The following POLK variants were observed in gnomAD, a reference collection of about 807,000 sequenced individuals.
POLK encodes DNA polymerase kappa.
POLK carries 76 observed loss-of-function variants against 94.0 expected under a neutral mutation model. The ratio of observed to expected loss-of-function variants is 0.81; its 90% CI spans 0.67 to 0.98. The LOEUF (loss-of-function observed/expected upper bound fraction) is 0.98. Ranked by LOEUF, POLK falls within the 50% of genes least tolerant of loss-of-function variation. The probability of loss-of-function intolerance (pLI) is 0.00; values close to 1 mark genes in which losing one functional copy is unlikely to be tolerated. For missense variants in POLK, 954 were observed against 1,010.1 expected (o/e 0.94, Z 0.75); for synonymous variants, 349 against 325.4 (o/e 1.07, Z -0.78).
chr5:75,597,458 A>G, intron 13 of POLK: 1 of 409,926 alleles, frequency 2.4e-6, no homozygotes. Context: ...TTCAGAGAAC[A>G]TCTGTGAAGG....
chr5:75,529,384 GACCTACCCCCA>G (rs1186697278), intron 1 of POLK, among the ~76,000 whole-genome samples: 2 of 151,980 alleles, frequency 1.3e-5, no homozygotes, highest in African/African-American at 4.8e-5. Flanking sequence ...CATAGGTCAT[GACCTACCCCCA>G]TGACCCAAAC....
intron 1 of POLK, among the ~76,000 whole-genome samples, chr5:75,524,947 C>T (rs181136481): frequency 3.9e-5 from 6 of 152,280 alleles, no homozygotes; most frequent in Non-Finnish European, 5.9e-5. Flanking sequence ...TGCATGCCCA[C>T]GGCAAATTGA....
intron 1 of POLK, among the ~76,000 whole-genome samples, chr5:75,526,285 A>T (rs1580923621): frequency 6.6e-6 from 1 of 152,132 alleles, no homozygotes; most frequent in East Asian, 1.9e-4. Flanking sequence ...AAGAGAAATC[A>T]CTTTTACTAC....
intron 1 of POLK, among the ~76,000 whole-genome samples, chr5:75,544,074 C>A (rs1769885130): frequency 6.6e-6 from 1 of 152,156 alleles, no homozygotes; most frequent in Admixed American, 6.5e-5. Flanking sequence ...TGGGCTTAAC[C>A]AATCCTCCTG....
exon 15 of POLK, chr5:75,600,336 G>A (rs1773270099): frequency 6.6e-6 from 1 of 152,134 alleles, no homozygotes; most frequent in Non-Finnish European, 1.5e-5. Context: ...ACTAAGTTTT[G>A]GTGATGATGT....
At chr5:75,543,338 C>T (rs1316352247) in intron 1 of POLK, among the ~76,000 whole-genome samples, 1 of 152,182 alleles carries the variant, frequency 6.6e-6, no homozygotes, top group Non-Finnish European at 1.5e-5. Context: ...CTGCTCCCAG[C>T]TGTGCCTTAT....
chr5:75,589,096 A>G (rs1286000362), intron 10 of POLK, among the ~76,000 whole-genome samples: 1 of 152,134 alleles, frequency 6.6e-6, no homozygotes, highest in Admixed American at 6.5e-5. Flanking sequence ...TTAATTCCAC[A>G]GATTTAGTCA....
downstream of POLK, among the ~76,000 whole-genome samples, chr5:75,603,210 C>G (rs1773336792): frequency 6.6e-6 from 1 of 152,198 alleles, no homozygotes; most frequent in Non-Finnish European, 1.5e-5. Context: ...ACTGCTACCT[C>G]TGCCAACCCT....
downstream of POLK, among the ~76,000 whole-genome samples, chr5:75,604,430 A>G (rs1380120327): frequency 6.6e-6 from 1 of 152,226 alleles, no homozygotes; most frequent in Non-Finnish European, 1.5e-5. Flanking sequence ...AGGCTGAAAT[A>G]CATTGTCATG....
intron 3 of POLK, among the ~76,000 whole-genome samples, chr5:75,566,498 G>C (rs1212173682): frequency 6.6e-6 from 1 of 152,204 alleles, no homozygotes; most frequent in Non-Finnish European, 1.5e-5. Flanking sequence ...GGTTGTGTAG[G>C]CACCCCGTGA....
At chr5:75,514,688 A>G (rs1250682775) in intron 1 of POLK, among the ~76,000 whole-genome samples, 1 of 152,150 alleles carries the variant, frequency 6.6e-6, no homozygotes, top group African/African-American at 2.4e-5. Flanking sequence ...TTTAATACAT[A>G]TAGAATTGAT....
At chr5:75,590,608 C>T in intron 11 of POLK, 168 bp downstream of exon 11, 2 of 570,868 alleles carry the variant, frequency 3.5e-6, no homozygotes, top group Non-Finnish European at 6.3e-6. Context: ...CAATTCTGAC[C>T]CATATCTGGA....
At chr5:75,513,940 G>A (rs1768200881) in intron 1 of POLK, among the ~76,000 whole-genome samples, 1 of 151,876 alleles carries the variant, frequency 6.6e-6, no homozygotes, top group Non-Finnish European at 1.5e-5. Context: ...TTAGGTATCA[G>A]TAGAATCCTC....
At chr5:75,511,268 G>C, upstream of POLK, 1 of 1,593,290 alleles carries the variant, frequency 6.3e-7, no homozygotes, top group Non-Finnish European at 8.5e-7. Context: ...CGGAGGAGGC[G>C]CCCAGTCCTC....
At position 75,596,545 on chromosome 5, in the gene POLK, GACTGTCAGAT is replaced by G; in HGVS notation, c.1856_1865del (p.Cys619LeufsTer18). ...TTTGGAAATATCAGAGAATTCAGAT[GACTGTCAGAT>G]ACTTACCTGTCCTGTTTGCTTTAGG... On this transcript the variant is annotated frameshift_variant, in exon 13 of 15. Transcript: ENST00000241436. LOFTEE classifies it high-confidence loss of function. 1 of 1,613,894 alleles carries G rather than the reference GACTGTCAGAT, an allele frequency of 6.2e-7. No individual in the cohort carries two copies. The highest frequency in any genetic ancestry group is 8.5e-7 in the Non-Finnish European group (1 of 1,179,890).
chr5:75,513,447 A>C (rs1768168040), intron 1 of POLK, among the ~76,000 whole-genome samples: 1 of 152,160 alleles, frequency 6.6e-6, no homozygotes, highest in African/African-American at 2.4e-5. Context: ...TTGATACCTT[A>C]ATGCACTTCA....
intron 1 of POLK, among the ~76,000 whole-genome samples, chr5:75,540,652 TACCAAAAAA>T (rs1769690511): frequency 6.6e-6 from 1 of 152,132 alleles, no homozygotes; most frequent in African/African-American, 2.4e-5. Context: ...AAAAATACAG[TACCAAAAAA>T]GGTACTACAG....
At chr5:75,534,516 T>C (rs1255819996) in intron 1 of POLK, among the ~76,000 whole-genome samples, 1 of 152,210 alleles carries the variant, frequency 6.6e-6, no homozygotes, top group Non-Finnish European at 1.5e-5. Flanking sequence ...TGTCCAAATA[T>C]GTTTGTTAGT....
chr5:75,604,316 G>A (rs1773367653), downstream of POLK, among the ~76,000 whole-genome samples: 1 of 151,980 alleles, frequency 6.6e-6, no homozygotes, highest in Admixed American at 6.6e-5. Context: ...TTAACCTGGG[G>A]CTAAAAAAAA....
Sources: allele counts gnomAD v4.1 joint callset (sites outside exome capture counted in the v4.1 genomes callset), GRCh38; gene constraint gnomAD v4.1.1; transcripts MANE v1.5; gene names NCBI Gene and HGNC (gene_info 2026-07-23, HGNC 2026-07-21).